Variants in MIPOL1 observed in about 807,000 individuals in gnomAD.
MIPOL1 encodes mirror-image polydactyly 1, also known as mirror-image polydactyly gene 1 protein.
A neutral mutation model predicts 60.9 loss-of-function variants in MIPOL1; 57 were observed. The observed-to-expected ratio is 0.94, with a 90% CI of 0.76 to 1.17. The LOEUF is 1.17. Ranked by LOEUF, MIPOL1 falls within the 50% of genes most tolerant of loss-of-function variation. MIPOL1 has a pLI of 0.00. For synonymous variants in MIPOL1, 179 were observed against 168.8 expected (o/e 1.06, Z -0.47); for missense variants, 551 against 511.6 (o/e 1.08, Z -0.74).
At chr14:37,309,870 G>A (rs1459875890) in intron 9 of MIPOL1, among the ~76,000 whole-genome samples, 1 of 151,822 alleles carries the variant, frequency 6.6e-6, no homozygotes, top group Non-Finnish European at 1.5e-5. Context: ...GGTATTTCTT[G>A]TAGAGATAGG....
At chr14:37,370,910 C>T (rs1415625763) in intron 10 of MIPOL1, among the ~76,000 whole-genome samples, 34 of 152,038 alleles carry the variant, frequency 2.2e-4, no homozygotes, top group Non-Finnish European at 4.4e-5. Context: ...ATAATGTGTG[C>T]TAATTTATTG....
chr14:37,363,230 C>T (rs1360963314), intron 9 of MIPOL1, among the ~76,000 whole-genome samples: 1 of 152,178 alleles, frequency 6.6e-6, no homozygotes, highest in Non-Finnish European at 1.5e-5. Context: ...GCTCTGGTTT[C>T]TCCCCATCTT....
chr14:37,333,316 A>T (rs10148340), intron 9 of MIPOL1, among the ~76,000 whole-genome samples: 150,438 of 152,234 alleles, frequency 0.99, 74,357 homozygotes, highest in Middle Eastern at 1. Flanking sequence ...TTTGATATTT[A>T]TACATTACAC....
At chr14:37,323,210 C>T (rs1003956358) in intron 9 of MIPOL1, among the ~76,000 whole-genome samples, 1 of 152,082 alleles carries the variant, frequency 6.6e-6, no homozygotes, top group African/African-American at 2.4e-5. Flanking sequence ...CCAGTTTTCC[C>T]AACACCATTT....
At chr14:37,371,554 A>T (rs2092639750) in intron 10 of MIPOL1, among the ~76,000 whole-genome samples, 1 of 152,124 alleles carries the variant, frequency 6.6e-6, no homozygotes, top group East Asian at 1.9e-4. Flanking sequence ...GCTAGCTTAA[A>T]TTCTTGGTGA....
At chr14:37,308,805 C>CA (rs2153434414) in intron 9 of MIPOL1, among the ~76,000 whole-genome samples, 1 of 152,002 alleles carries the variant, frequency 6.6e-6, no homozygotes, top group East Asian at 1.9e-4. Context: ...TATATTTTTT[C>CA]AACTAATCAC....
At chr14:37,280,359 T>C (rs2084005143) in intron 6 of MIPOL1, among the ~76,000 whole-genome samples, 1 of 152,210 alleles carries the variant, frequency 6.6e-6, no homozygotes, top group Non-Finnish European at 1.5e-5. Context: ...CTGGATCACA[T>C]GGTAACTCTA....
intron 10 of MIPOL1, among the ~76,000 whole-genome samples, chr14:37,378,718 A>G (rs946980315): frequency 6.6e-6 from 1 of 151,930 alleles, no homozygotes; most frequent in Non-Finnish European, 1.5e-5. Flanking sequence ...AAGGAAAGGA[A>G]GAAGGGAGAG....
At chr14:37,302,830 A>C (rs1188832024) in intron 7 of MIPOL1, among the ~76,000 whole-genome samples, 1 of 151,790 alleles carries the variant, frequency 6.6e-6, no homozygotes, top group Non-Finnish European at 1.5e-5. Flanking sequence ...CATAATCTTG[A>C]TAGTGAGTCT....
chr14:37,209,346 C>T (rs1966577241), intron 1 of MIPOL1, among the ~76,000 whole-genome samples: 1 of 152,008 alleles, frequency 6.6e-6, no homozygotes, highest in African/African-American at 2.4e-5. Flanking sequence ...TTTTCTTAAC[C>T]TTTTGTTATT....
chr14:37,449,630 G>A (rs192262803), intron 11 of MIPOL1, among the ~76,000 whole-genome samples: 39 of 152,116 alleles, frequency 2.6e-4, no homozygotes, highest in African/African-American at 8.2e-4. Flanking sequence ...TTTGTCAACC[G>A]TGTGCCAAAT....
At chr14:37,437,579 T>C (rs1361183957) in intron 11 of MIPOL1, among the ~76,000 whole-genome samples, 1 of 152,164 alleles carries the variant, frequency 6.6e-6, no homozygotes, top group African/African-American at 2.4e-5. Flanking sequence ...AAAACTTTTG[T>C]TTTCCATTCA....
chr14:37,429,782 A>G (rs1173929633), intron 11 of MIPOL1, among the ~76,000 whole-genome samples: 1 of 152,056 alleles, frequency 6.6e-6, no homozygotes, highest in Non-Finnish European at 1.5e-5. Context: ...CTGTGTATAT[A>G]CTGTCCTTAA....
intron 12 of MIPOL1, among the ~76,000 whole-genome samples, chr14:37,516,952 A>G (rs118101849): frequency 0.01 from 1,595 of 152,302 alleles, 18 homozygotes; most frequent in Non-Finnish European, 0.011. Flanking sequence ...TGAGGTAAAT[A>G]TAATGATTAG....
chr14:37,435,509 T>G lies in MIPOL1; in HGVS notation c.1031+12560T>G, dbSNP rs1233734013. ...CTATACTGTATTAGTGGATTGTCCT[T>G]TAGGATTTTTTTTTTTAACCGCTGA... On this transcript the variant is annotated intron_variant, in intron 11 of 12. Coordinates refer to ENST00000684589, the MANE Select transcript of MIPOL1 (RefSeq NM_001388067.1). 2.0e-5 allele frequency among the ~76,000 whole-genome samples: 3 copies of G among 152,164 alleles called. No homozygotes were observed. In the East Asian group the frequency reaches 5.8e-4, roughly 29 times the overall value.
At chr14:37,200,887 T>G (rs1688044949) in intron 1 of MIPOL1, among the ~76,000 whole-genome samples, 2 of 107,238 alleles carry the variant, frequency 1.9e-5, no homozygotes, top group Admixed American at 1.9e-4. Context: ...TGTGTGTGTG[T>G]GTGTGTGTGT....
At chr14:37,382,032 A>C (rs1353588330) in intron 10 of MIPOL1, among the ~76,000 whole-genome samples, 1 of 152,010 alleles carries the variant, frequency 6.6e-6, no homozygotes, top group Non-Finnish European at 1.5e-5. Context: ...TGATGTCAGT[A>C]TTTTGGAAGC....
chr14:37,328,762 A>C (rs1476355083), intron 9 of MIPOL1, among the ~76,000 whole-genome samples: 1 of 152,192 alleles, frequency 6.6e-6, no homozygotes, highest in African/African-American at 2.4e-5. Context: ...ATGAAGTATT[A>C]GTGGACTGGA....
In MIPOL1 at chr14:37,470,232, G is replaced by C. The variant is rs2094663182; in HGVS notation, c.1032-29676G>C. ...TATGAGGTGGTTATGAGGATCTGTT[G>C]CTTAGGATAGAAATCTGAGCTGGAG... On this transcript the variant is annotated intron_variant, in intron 11 of 12. Coordinates refer to ENST00000684589, the MANE Select transcript of MIPOL1 (RefSeq NM_001388067.1). 2.6e-5 allele frequency among the ~76,000 whole-genome samples: 4 copies of C among 152,106 alleles called. 1 individual carries two copies. Among genetic ancestry groups the C allele is most frequent in the Admixed American group, 2.6e-4 (4 of 15,264 alleles).
Sources: gnomAD v4.1 joint callset for allele counts (sites outside exome capture counted in the v4.1 genomes callset) on GRCh38, gnomAD v4.1.1 for gene constraint, MANE v1.5 for transcripts, NCBI Gene and HGNC (gene_info 2026-07-23, HGNC 2026-07-21) for gene names.